Variants in RBM41 observed in about 807,000 individuals in gnomAD.
RBM41 encodes RNA-binding protein 41.
In RBM41, 14 loss-of-function variants were observed where a neutral mutation model predicts 30.8. The observed-to-expected ratio is 0.45, with a 90% CI of 0.30 to 0.71. The LOEUF (loss-of-function observed/expected upper bound fraction) is 0.71. Ranked by LOEUF, RBM41 falls within the 30% of genes least tolerant of loss-of-function variation. The pLI, the probability that RBM41 is intolerant of heterozygous loss-of-function variation, is 0.08. For synonymous variants in RBM41, 120 were observed against 110.1 expected (o/e 1.09, Z -0.56); for missense variants, 276 against 326.3 (o/e 0.85, Z 1.19).
chrX:107,052,496 GACGA>G, the RBM41 span, among the ~76,000 whole-genome samples: 1 of 110,916 alleles, frequency 9.0e-6, no homozygotes, highest in Admixed American at 9.6e-5. Context: ...GAGGTTGACT[GACGA>G]CCGCTCTACC....
chrX:107,073,100 A>G (rs1287278639), intron 6 of RBM41, among the ~76,000 whole-genome samples: 3 of 112,053 alleles, frequency 2.7e-5, no homozygotes, highest in Admixed American at 1.9e-4. Context: ...TTTCATGAAT[A>G]AGACCTCAAA....
Position 107,075,114 on chromosome X carries a change from C to T in RBM41, c.1000-5712G>A, listed in dbSNP as rs757398544. The stretch of plus-strand genomic sequence containing the variant: ...GTCTAGAAATAAACCCATGAAGCTA[C>T]AGTCAACTGATCTTCTACAAGTGTC... On this transcript the variant is annotated intron_variant, in intron 6 of 7. Coordinates refer to ENST00000685964, the MANE Select transcript of RBM41 (RefSeq NM_001324242.2). Among the ~76,000 whole-genome samples, 4 of 111,954 alleles carry T rather than the reference C, an allele frequency of 3.6e-5. No homozygotes were observed. The East Asian group carries it at 8.4e-4, about 23-fold the overall frequency.
At chrX:107,059,862 A>AT (rs1325661397), downstream of RBM41, among the ~76,000 whole-genome samples, 1 of 111,956 alleles carries the variant, frequency 8.9e-6, no homozygotes, top group Non-Finnish European at 1.9e-5. Flanking sequence ...ATCAGTTTTT[A>AT]TATCTGACAT....
At position 107,065,668 on chromosome X, in the gene RBM41, G is replaced by T; in HGVS notation, c.*1859C>A. The T allele has an allele frequency of 1.0e-6, 1 of 989,592 alleles. No homozygotes were observed. The highest frequency in any genetic ancestry group is 1.3e-6 in the Non-Finnish European group (1 of 746,980). 81.6% of individuals were successfully genotyped at this position (989,592 alleles called of 1,213,427 possible). On this transcript the variant is annotated 3_prime_UTR_variant, in exon 8 of 8. Transcript: ENST00000685964. The stretch of plus-strand genomic sequence containing the variant: ...ATATTAAACTTATTTCCTATTTCAC[G>T]TTCTCTCCATTTGTTCCTGTGGATT...
chrX:107,088,736 T>C lies in RBM41; in HGVS notation c.699A>G (p.Arg233=). ...GTGAGTGGGAAGCAAAGGGTTCACCTCTCATAAGTTGAAACTCTTCAAGAC... is the reference window on the plus strand; with the variant it reads ...GTGAGTGGGAAGCAAAGGGTTCACCCCTCATAAGTTGAAACTCTTCAAGAC... The part of the protein sequence containing the change: ...KKRLEEFQLM[R]GEPFASHSLV... The change falls in exon 6 of 8, where the codon AGA becomes AGG. Residue 233 remains arginine, a synonymous_variant. Transcript: ENST00000685964. 1 of 1,211,424 alleles carries C rather than the reference T, an allele frequency of 8.3e-7. No individual in the cohort carries two copies. The highest frequency in any genetic ancestry group is 1.1e-6 in the Non-Finnish European group (1 of 895,451).
chrX:107,103,853 T>C (rs1923683175), intron 5 of RBM41, among the ~76,000 whole-genome samples: 1 of 111,649 alleles, frequency 9.0e-6, no homozygotes, highest in Non-Finnish European at 1.9e-5. Context: ...TGGGAATTAC[T>C]GGAAAGAAGT....
At position 107,076,316 on chromosome X, in the gene RBM41, C is replaced by CAAAAAATAAAT. The variant is rs760668927; in HGVS notation, c.1000-6915_1000-6914insATTTATTTTTT. Among the ~76,000 whole-genome samples the CAAAAAATAAAT allele has an allele frequency of 6.5e-5, 6 of 92,764 alleles. No homozygotes were observed. In the South Asian group the frequency reaches 2.5e-3, roughly 39 times the overall value. The allele number at this position is 92,764 out of a possible 115,157, so 80.6% of individuals were successfully genotyped here. On this transcript the variant is annotated intron_variant, in intron 6 of 7. Coordinates refer to ENST00000685964, the MANE Select transcript of RBM41 (RefSeq NM_001324242.2). ...CAGACGACAGTGCCAGACTCCGTCT[C>CAAAAAATAAAT]AAATAAATAAATAAATAAATAAATA...
chrX:107,069,878 A>C lies in RBM41; in HGVS notation c.1000-476T>G, dbSNP rs1343925787. On this transcript the variant is annotated intron_variant, in intron 6 of 7. Coordinates refer to ENST00000685964, the MANE Select transcript of RBM41 (RefSeq NM_001324242.2). ...AACTATAGGCACTTAAAAAAAAAAA[A>C]AAAAAAACACAAATCAACAAGGTCA... The C allele has an allele frequency of 1.3e-4, 16 of 120,790 alleles. No homozygotes were observed. The South Asian group carries it at 3.6e-3, about 27-fold the overall frequency. 10.0% of individuals were successfully genotyped at this position (120,790 alleles called of 1,213,427 possible).
intron 5 of RBM41, among the ~76,000 whole-genome samples, chrX:107,108,396 G>A (rs1224326643): frequency 1.8e-5 from 2 of 111,414 alleles, no homozygotes; most frequent in African/African-American, 6.5e-5. Flanking sequence ...TATAAAACCT[G>A]GAAAGAATGT....
At chrX:107,059,499 G>GAATTA (rs1440042535), downstream of RBM41, among the ~76,000 whole-genome samples, 5 of 111,303 alleles carry the variant, frequency 4.5e-5, no homozygotes, top group East Asian at 1.1e-3. Flanking sequence ...CTGGAACTTT[G>GAATTA]AATTAAATTA....
chrX:107,113,515 G>A, intron 4 of RBM41, 47 bp from the exon 5 acceptor site: 1 of 979,421 alleles, frequency 1.0e-6, no homozygotes, highest in Non-Finnish European at 1.3e-6. Context: ...AAACAGAACA[G>A]ATTCATAAAC....
chrX:107,102,041 T>A (rs1273538020), intron 5 of RBM41, among the ~76,000 whole-genome samples: 1 of 111,264 alleles, frequency 9.0e-6, no homozygotes, highest in African/African-American at 3.3e-5. Context: ...GTGTTCATGA[T>A]TACATACACG....
At chrX:107,073,927 T>C (rs1329932458) in intron 6 of RBM41, among the ~76,000 whole-genome samples, 1 of 111,280 alleles carries the variant, frequency 9.0e-6, no homozygotes, top group Non-Finnish European at 1.9e-5. Context: ...ATTGATTTCA[T>C]AGAAGTAAAA....
At chrX:107,117,045 T>C (rs1171035065) in intron 1 of RBM41, among the ~76,000 whole-genome samples, 3 of 112,241 alleles carry the variant, frequency 2.7e-5, no homozygotes, top group Admixed American at 9.5e-5. Flanking sequence ...TGTGTGTTTA[T>C]GTGTTGTGTG....
At chrX:107,086,519 C>T (rs746955506) in intron 6 of RBM41, among the ~76,000 whole-genome samples, 7 of 111,220 alleles carry the variant, frequency 6.3e-5, no homozygotes, top group South Asian at 3.8e-4. Flanking sequence ...GAGATCTACA[C>T]GAAGAACTGC....
At chrX:107,056,020 T>C in the RBM41 span, among the ~76,000 whole-genome samples, 3 of 112,588 alleles carry the variant, frequency 2.7e-5, no homozygotes, top group Non-Finnish European at 5.6e-5. Context: ...AGTATCATGT[T>C]AGCTGTGGGC....
chrX:107,075,831 C>T (rs1029166606), intron 6 of RBM41, among the ~76,000 whole-genome samples: 9 of 111,546 alleles, frequency 8.1e-5, no homozygotes, highest in African/African-American at 9.8e-5. Context: ...GAAGTTCCTC[C>T]GAAAATTAAA....
chrX:107,089,837 T>A (rs1922355182), intron 5 of RBM41, among the ~76,000 whole-genome samples: 1 of 111,709 alleles, frequency 9.0e-6, no homozygotes, highest in African/African-American at 3.3e-5. Flanking sequence ...CCATTCACCT[T>A]CCACCTAATG....
At chrX:107,087,221 C>T (rs961851491) in intron 6 of RBM41, among the ~76,000 whole-genome samples, 2 of 111,222 alleles carry the variant, frequency 1.8e-5, no homozygotes, top group African/African-American at 3.3e-5. Context: ...GCTGGCTACA[C>T]AGGTATTTGC....
Sources: gnomAD v4.1 joint callset for allele counts (sites outside exome capture counted in the v4.1 genomes callset) on GRCh38, gnomAD v4.1.1 for gene constraint, MANE v1.5 for transcripts, NCBI Gene and HGNC (gene_info 2026-07-23, HGNC 2026-07-21) for gene names.